NAF1: variants seen among roughly 807,000 people sequenced by gnomAD.
The protein encoded by NAF1 is H/ACA ribonucleoprotein complex non-core subunit NAF1.
In NAF1, 11 loss-of-function variants were observed where a neutral mutation model predicts 40.6. That is an observed-to-expected ratio of 0.27 (90% CI 0.17 to 0.45). NAF1 has a LOEUF of 0.45. Among genes scored for constraint, NAF1 ranks in the 20% least tolerant of loss-of-function variants. The probability of loss-of-function intolerance (pLI) is 1.00; values close to 1 mark genes in which losing one functional copy is unlikely to be tolerated. For missense variants in NAF1, 607 were observed against 611.1 expected (o/e 0.99, Z 0.07); for synonymous variants, 260 against 228.5 (o/e 1.14, Z -1.24).
intron 2 of NAF1, among the ~76,000 whole-genome samples, chr4:163,118,491 G>A (rs1186222639): frequency 1.3e-5 from 2 of 152,164 alleles, no homozygotes; most frequent in Admixed American, 1.3e-4. Flanking sequence ...GGTGGCTCAC[G>A]CCTGTAATCC....
intron 6 of NAF1, among the ~76,000 whole-genome samples, chr4:163,136,660 C>A (rs1731071105): frequency 6.6e-6 from 1 of 152,072 alleles, no homozygotes; most frequent in African/African-American, 2.4e-5. Context: ...CACCTTGGGG[C>A]ATAAAACTAT....
At chr4:163,132,240 C>T (rs1383630268) in intron 7 of NAF1, among the ~76,000 whole-genome samples, 2 of 152,072 alleles carry the variant, frequency 1.3e-5, no homozygotes, top group African/African-American at 4.8e-5. Context: ...AAAATGAAAA[C>T]CTCTTTTCAC....
rs370518943 is a variant in NAF1, at chr4:163,133,157, G to T, written c.1030C>A (p.Pro344Thr). The stretch of plus-strand genomic sequence containing the variant: ...TATATATATTGTATTCACTCACCAG[G>T]CTCATTAAATTCAGATTTGAGTTTT... ...RKKLKSEFNE[P>T]GEDFTEVHQN... Residue 344 changes from proline (P) to threonine (T), a missense_variant, in exon 7 of 8, where the codon CCT becomes ACT. By Grantham distance (38) the Pro-to-Thr change is conservative (BLOSUM62 -1). This residue lies in a region of NAF1 where 189 missense variants were observed against 216.6 expected (regional missense o/e 0.87). Transcript: ENST00000274054. The T allele has an allele frequency of 6.2e-7, 1 of 1,610,748 alleles. No homozygotes were observed. The highest frequency in any genetic ancestry group is 1.7e-5 in the Admixed American group (1 of 60,002).
At chr4:163,154,980 T>C (rs1328764668) in intron 2 of NAF1, among the ~76,000 whole-genome samples, 5 of 151,828 alleles carry the variant, frequency 3.3e-5, no homozygotes, top group Admixed American at 3.3e-4. Context: ...GTGCTTTCCA[T>C]GAAAATTTTT....
At chr4:163,126,848 G>T (rs1003859939), downstream of NAF1, 10 of 1,321,470 alleles carry the variant, frequency 7.6e-6, no homozygotes, top group South Asian at 1.5e-4. Flanking sequence ...GCGGCCAACA[G>T]CACTTGAGTC....
At chr4:163,154,568 G>A (rs894219880) in intron 2 of NAF1, among the ~76,000 whole-genome samples, 1 of 152,148 alleles carries the variant, frequency 6.6e-6, no homozygotes, top group Non-Finnish European at 1.5e-5. Flanking sequence ...TCTTTTAAAT[G>A]AGCATGCTAA....
At chr4:163,153,279 A>G (rs1430555805) in intron 2 of NAF1, among the ~76,000 whole-genome samples, 2 of 152,228 alleles carry the variant, frequency 1.3e-5, no homozygotes, top group Non-Finnish European at 2.9e-5. Flanking sequence ...GCCCCGGTGC[A>G]GTGCGGGATC....
intron 2 of NAF1, among the ~76,000 whole-genome samples, chr4:163,149,944 G>A (rs1579170573): frequency 6.6e-6 from 1 of 152,036 alleles, no homozygotes; most frequent in Non-Finnish European, 1.5e-5. Context: ...ACATTGACTC[G>A]GGTTCTGGGA....
intron 2 of NAF1, among the ~76,000 whole-genome samples, chr4:163,121,090 C>T (rs1730506328): frequency 6.6e-6 from 1 of 152,074 alleles, no homozygotes; most frequent in Admixed American, 6.6e-5. Context: ...GGGATTTCAC[C>T]ATGTTGGCCA....
chr4:163,137,325 GA>G, intron 5 of NAF1, 75 bp from the exon 6 acceptor site: 1 of 1,481,618 alleles, frequency 6.7e-7, no homozygotes. Flanking sequence ...TAAAAGTACA[GA>G]AAATAATAAA....
chr4:163,124,409 C>G (rs1192209284), downstream of NAF1, among the ~76,000 whole-genome samples: 4 of 144,080 alleles, frequency 2.8e-5, no homozygotes, highest in Non-Finnish European at 6.1e-5. Context: ...TTATAAGGCA[C>G]TAATCCATAC....
downstream of NAF1, among the ~76,000 whole-genome samples, chr4:163,124,598 T>G (rs900157922): frequency 6.6e-6 from 1 of 152,232 alleles, no homozygotes; most frequent in Admixed American, 6.5e-5. Flanking sequence ...CCACACATTT[T>G]ATTTTTTCTA....
chr4:163,112,444 G>C (rs1316326401), intron 2 of NAF1, among the ~76,000 whole-genome samples: 1 of 152,156 alleles, frequency 6.6e-6, no homozygotes, highest in African/African-American at 2.4e-5. Flanking sequence ...TTAGGGAAGG[G>C]AGAGAGAGGA....
intron 3 of NAF1, among the ~76,000 whole-genome samples, chr4:163,146,137 G>T (rs949595774): frequency 6.6e-6 from 1 of 152,118 alleles, no homozygotes; most frequent in Non-Finnish European, 1.5e-5. Flanking sequence ...ATCCATTAAA[G>T]ATTCAACAAA....
Position 163,128,875 on chromosome 4 carries a change from T to C in NAF1, c.*22A>G. The C allele has an allele frequency of 6.7e-7, 1 of 1,494,232 alleles. No individual in the cohort carries two copies. Among genetic ancestry groups the C allele is most frequent in the Non-Finnish European group, 8.9e-7 (1 of 1,122,380 alleles). 92.6% of individuals were successfully genotyped at this position (1,494,232 alleles called of 1,614,324 possible). On this transcript the variant is annotated 3_prime_UTR_variant, in exon 8 of 8. Coordinates refer to ENST00000274054, the MANE Select transcript of NAF1 (RefSeq NM_138386.3). ...ACCACATAATATGAAAAGTCCACAT[T>C]TCTCTGGAAATGCATAGTCACCTAA...
At chr4:163,136,858 C>G (rs1335570173) in intron 6 of NAF1, among the ~76,000 whole-genome samples, 2 of 152,004 alleles carry the variant, frequency 1.3e-5, no homozygotes, top group African/African-American at 4.8e-5. Flanking sequence ...TTACTAAACT[C>G]AATTAAATTT....
At chr4:163,113,955 C>T in intron 2 of NAF1, among the ~76,000 whole-genome samples, 1 of 152,268 alleles carries the variant, frequency 6.6e-6, no homozygotes, top group East Asian at 1.9e-4. Flanking sequence ...CTCTAATTCA[C>T]TTCTATTACC....
At chr4:163,166,006 A>C (rs752389317) in intron 1 of NAF1, among the ~76,000 whole-genome samples, 4 of 152,194 alleles carry the variant, frequency 2.6e-5, no homozygotes, top group Admixed American at 2.0e-4. Context: ...ATCTGACACA[A>C]AACTCAACTA....
downstream of NAF1, chr4:163,127,083 C>A (rs928236023): frequency 6.4e-7 from 1 of 1,551,474 alleles, no homozygotes; most frequent in Non-Finnish European, 8.7e-7. Flanking sequence ...GGTCTGGATC[C>A]GAGGCCACAA....
Sources: allele counts gnomAD v4.1 joint callset (sites outside exome capture counted in the v4.1 genomes callset), GRCh38; gene constraint gnomAD v4.1.1; regional missense constraint gnomAD v4.1.1; transcripts MANE v1.5; gene names NCBI Gene and HGNC (gene_info 2026-07-23, HGNC 2026-07-21).